Variants in LINGO2 observed in about 807,000 individuals in gnomAD.
The protein encoded by LINGO2 is leucine-rich repeat and immunoglobulin-like domain-containing nogo receptor-interacting protein 2.
A neutral mutation model predicts 30.6 loss-of-function variants in LINGO2; 14 were observed. The ratio of observed to expected loss-of-function variants is 0.46; its 90% CI spans 0.30 to 0.72. The LOEUF is 0.72. Among genes scored for constraint, LINGO2 ranks in the 30% least tolerant of loss-of-function variants. The pLI is 0.07. For missense variants in LINGO2, 729 were observed against 751.7 expected (o/e 0.97, Z 0.35); for synonymous variants, 317 against 288.5 (o/e 1.10, Z -1.00).
chr9:28,258,418 T>C (rs1327766626), intron 4 of LINGO2, among the ~76,000 whole-genome samples: 2 of 151,872 alleles, frequency 1.3e-5, no homozygotes. Flanking sequence ...TCATATAAAA[T>C]TAAATTATGC....
chr9:28,299,707 CAATGCAGTT>C (rs1432974568), intron 3 of LINGO2, among the ~76,000 whole-genome samples: 1 of 152,064 alleles, frequency 6.6e-6, no homozygotes, highest in Non-Finnish European at 1.5e-5. Context: ...GCTGTGATTT[CAATGCAGTT>C]AATTGATAGT....
chr9:28,363,184 AAG>A (rs759274445), intron 3 of LINGO2, among the ~76,000 whole-genome samples: 2 of 152,238 alleles, frequency 1.3e-5, no homozygotes, highest in Non-Finnish European at 2.9e-5. Context: ...TGTACACAGT[AAG>A]TGGAAAAACT....
the LINGO2 span, among the ~76,000 whole-genome samples, chr9:28,793,655 G>C: frequency 6.6e-6 from 1 of 152,194 alleles, no homozygotes; most frequent in African/African-American, 2.4e-5. Context: ...ATTAGCCAAA[G>C]TAGTAGAGAG....
At chr9:28,537,696 A>C (rs1254464042) in intron 1 of LINGO2, among the ~76,000 whole-genome samples, 1 of 152,076 alleles carries the variant, frequency 6.6e-6, no homozygotes, top group African/African-American at 2.4e-5. Flanking sequence ...ATAGAAGTGA[A>C]TACATAAAAG....
At chr9:28,328,465 G>A (rs1189093910) in intron 3 of LINGO2, among the ~76,000 whole-genome samples, 1 of 151,744 alleles carries the variant, frequency 6.6e-6, no homozygotes, top group African/African-American at 2.4e-5. Context: ...TGTAGAATAT[G>A]TTGTTCTTAT....
chr9:28,403,711 T>C lies in LINGO2; in HGVS notation c.-278-30843A>G, dbSNP rs892216862. ...CTTTTCCTGGACGCCCAGAATAATATGCATGAAACTTTAATCTAGTTTGGC... is the reference window on the plus strand; with the variant it reads ...CTTTTCCTGGACGCCCAGAATAATACGCATGAAACTTTAATCTAGTTTGGC... On this transcript the variant is annotated intron_variant, in intron 2 of 5. Transcript: ENST00000379992. Among the ~76,000 whole-genome samples, 8 of 151,788 alleles carry C rather than the reference T, an allele frequency of 5.3e-5. No homozygotes were observed. In the East Asian group the frequency reaches 1.2e-3, roughly 22 times the overall value.
At chr9:28,681,601 G>C in the LINGO2 span, among the ~76,000 whole-genome samples, 64 of 152,212 alleles carry the variant, frequency 4.2e-4, no homozygotes, top group African/African-American at 1.5e-3. Context: ...AAAAGGGACA[G>C]CTGGCTCCTG....
At chr9:29,039,442 T>C in the LINGO2 span, among the ~76,000 whole-genome samples, 2,509 of 152,192 alleles carry the variant, frequency 0.016, 63 homozygotes, top group African/African-American at 0.056. Flanking sequence ...TGATATTTAA[T>C]GTAAAAAGGA....
At chr9:29,051,368 T>C in the LINGO2 span, among the ~76,000 whole-genome samples, 1 of 152,218 alleles carries the variant, frequency 6.6e-6, no homozygotes, top group African/African-American at 2.4e-5. Context: ...TAGTTGGAAT[T>C]ACACAGTATG....
intron 5 of LINGO2, among the ~76,000 whole-genome samples, chr9:27,956,252 T>G (rs1819564856): frequency 6.6e-6 from 1 of 152,162 alleles, no homozygotes. Flanking sequence ...GACTGTCTTT[T>G]ATATGTTATC....
At chr9:29,122,808 C>T in the LINGO2 span, among the ~76,000 whole-genome samples, 1 of 152,066 alleles carries the variant, frequency 6.6e-6, no homozygotes, top group Admixed American at 6.6e-5. Flanking sequence ...ACGTTCAACA[C>T]AGTACAAATG....
At chr9:28,248,489 A>T (rs1215150474) in intron 4 of LINGO2, among the ~76,000 whole-genome samples, 1 of 152,188 alleles carries the variant, frequency 6.6e-6, no homozygotes. Flanking sequence ...ACAGGGAAGG[A>T]TATGCAGATT....
At chr9:28,561,780 T>TAA (rs35903053) in intron 1 of LINGO2, among the ~76,000 whole-genome samples, 7 of 107,642 alleles carry the variant, frequency 6.5e-5, no homozygotes, top group South Asian at 2.7e-4. Context: ...TATATATATA[T>TAA]AAAAAATATG....
chr9:28,938,171 T>G, the LINGO2 span, among the ~76,000 whole-genome samples: 3 of 152,158 alleles, frequency 2.0e-5, no homozygotes, highest in Non-Finnish European at 2.9e-5. Context: ...TCTTTGTTCC[T>G]TTTAGTCCAG....
At chr9:28,052,176 T>G (rs1246787521) in intron 4 of LINGO2, among the ~76,000 whole-genome samples, 1 of 152,066 alleles carries the variant, frequency 6.6e-6, no homozygotes, top group Non-Finnish European at 1.5e-5. Flanking sequence ...TTCAACAAAA[T>G]TATGGATTCT....
At chr9:28,322,047 T>G (rs536832700) in intron 3 of LINGO2, among the ~76,000 whole-genome samples, 13 of 152,328 alleles carry the variant, frequency 8.5e-5, no homozygotes, top group Admixed American at 6.5e-5. Flanking sequence ...TCCAAACTAC[T>G]TACCTCAGCT....
intron 4 of LINGO2, among the ~76,000 whole-genome samples, chr9:28,056,478 TG>T (rs1824946302): frequency 1.3e-5 from 2 of 152,164 alleles, no homozygotes; most frequent in Non-Finnish European, 2.9e-5. Flanking sequence ...TACTCTTTAA[TG>T]AATATCATGT....
chr9:28,342,204 T>C (rs13297128), intron 3 of LINGO2, among the ~76,000 whole-genome samples: 31,556 of 152,124 alleles, frequency 0.21, 4,422 homozygotes, highest in Non-Finnish European at 0.31. Flanking sequence ...ATAGCTAGTA[T>C]GTGCTCTCTT....
chr9:29,075,331 C>T, the LINGO2 span, among the ~76,000 whole-genome samples: 4 of 152,114 alleles, frequency 2.6e-5, no homozygotes, highest in Admixed American at 2.0e-4. Context: ...CCAGAACATT[C>T]AATTTTATAA....
Sources: gnomAD v4.1 joint callset for allele counts (sites outside exome capture counted in the v4.1 genomes callset) on GRCh38, gnomAD v4.1.1 for gene constraint, MANE v1.5 for transcripts, NCBI Gene and HGNC (gene_info 2026-07-23, HGNC 2026-07-21) for gene names.